Variants in TERT observed in about 807,000 individuals in gnomAD.
TERT encodes the protein telomerase catalytic subunit.
Under a neutral mutation model 104.0 loss-of-function variants are expected in TERT, and 42 were observed. That is an observed-to-expected ratio of 0.40 (90% confidence interval 0.32 to 0.52). The LOEUF (loss-of-function observed/expected upper bound fraction) is 0.52. Among genes scored for constraint, TERT ranks in the 20% least tolerant of loss-of-function variants. The pLI, the probability that TERT is intolerant of heterozygous loss-of-function variation, is 0.43. For missense variants in TERT, 1,101 were observed against 1,610.3 expected (o/e 0.68, Z 5.41); for synonymous variants, 781 against 725.6 (o/e 1.08, Z -1.23).
At chr5:1,260,403 C>T in intron 12 of TERT, 71 bp downstream of exon 12, 2 of 1,594,962 alleles carry the variant, frequency 1.3e-6, no homozygotes, top group South Asian at 2.2e-5. Context: ...CACGCGCGCA[C>T]ACACACACAC....
At position 1,268,169 on chromosome 5, in the gene TERT, C is replaced by T. The variant is rs915023538; in HGVS notation, c.2582+351G>A. 2.6e-5 allele frequency among the ~76,000 whole-genome samples: 4 copies of T among 152,210 alleles called. No individual in the cohort carries two copies. The highest frequency in any genetic ancestry group is 9.6e-5 in the African/African-American group (4 of 41,460). On this transcript the variant is annotated intron_variant, in intron 9 of 15. Transcript: ENST00000310581. This position sits in a 1 kb window ranked among gnomAD's most constrained non-coding sequence, Gnocchi z 5.5. Reference sequence around the variant, plus strand: ...CTGGGAGATGTGGGGCCTCAGGCTGCACCAGCCCCATCTCCCCAAGGACCC... The same window carrying T: ...CTGGGAGATGTGGGGCCTCAGGCTGTACCAGCCCCATCTCCCCAAGGACCC...
In TERT at chr5:1,260,334, A is replaced by G. The variant is rs34238050; in HGVS notation, c.2970+140T>C. 1,343 of 1,358,752 alleles carry G rather than the reference A, an allele frequency of 9.9e-4. 12 individuals carry two copies. The African/African-American group carries it at 0.018, about 18-fold the overall frequency. The allele number at this position is 1,358,752 out of a possible 1,614,324, so 84.2% of individuals were successfully genotyped here. ...CACACATGCACACATGTATGTGCTC[A>G]CGTGTATATGCGTACATGTGCACTC... On this transcript the variant is annotated intron_variant, in intron 12 of 15. Coordinates refer to ENST00000310581, the MANE Select transcript of TERT (RefSeq NM_198253.3).
chr5:1,259,283 GGATGCCCACAGGAGAGGGAGTGGACGCA>G (rs1748004746), intron 12 of TERT, among the ~76,000 whole-genome samples: 2 of 118,764 alleles, frequency 1.7e-5, no homozygotes, highest in East Asian at 2.9e-4. Context: ...GAGTGGACGC[GGATGCCCACAGGAGAGGGAGTGGACGCA>G]GATGCCCACA....
rs1750084189 is a variant in TERT at position 1,282,437 on chromosome 5, A to C, written c.1761T>G (p.Ile587Met). 2 of 1,614,060 alleles carry C rather than the reference A, an allele frequency of 1.2e-6. No homozygotes were observed. Among genetic ancestry groups the C allele is most frequent in the Non-Finnish European group, 1.7e-6 (2 of 1,179,982 alleles). The change falls in exon 3 of 16, where the codon ATT becomes ATG. Residue 587 changes from isoleucine (I) to methionine (M), a missense_variant. Physicochemically the swap from Ile to Met is conservative, Grantham distance 10 (BLOSUM62 1). This residue lies in a region of TERT where 463 missense variants were observed against 797.5 expected (regional missense o/e 0.58). Coordinates refer to ENST00000310581, the MANE Select transcript of TERT (RefSeq NM_198253.3). ...GCGTGGGGATACAGTACCTGATTCC[A>C]ATGCTTTGCAACTTGCTCCAGACAC... is the stretch of plus-strand genomic sequence containing the variant. ...RKSVWSKLQS[I>M]GIRQHLKRVQ...
intron 6 of TERT, among the ~76,000 whole-genome samples, chr5:1,273,792 C>T (rs762188884): frequency 2.2e-5 from 3 of 136,504 alleles, no homozygotes; most frequent in East Asian, 2.2e-4. Flanking sequence ...CTGTGACCAA[C>T]CGCCATCCAC....
chr5:1,279,370 T>C lies in TERT; in HGVS notation c.2051A>G (p.Asp684Gly), dbSNP rs776981958. Reference protein sequence around the residue: ...GLLGASVLGLDDIHRAWRTFV... With the variant: ...GLLGASVLGLGDIHRAWRTFV... ...GGTGCGCCAGGCCCTGTGGATATCG[T>C]CCAGGCCCAGCACAGAGGCGCCCAG... Residue 684 changes from aspartate (D) to glycine (G), a missense_variant, in exon 5 of 16, where the codon GAC becomes GGC. Physicochemically the swap from Asp to Gly is moderately conservative, Grantham distance 94. Around this residue, in one of 5 missense-constraint regions of TERT, gnomAD observed 463 missense variants for 797.5 expected, o/e 0.58. Transcript: ENST00000310581. 112 of 1,567,398 alleles carry C rather than the reference T, an allele frequency of 7.1e-5. No homozygotes were observed. Among genetic ancestry groups the C allele is most frequent in the Non-Finnish European group, 5.2e-6 (6 of 1,158,500 alleles).
rs1579562968 is a variant in TERT, at chr5:1,270,875, C to A, written c.2468+244G>T. The stretch of plus-strand genomic sequence containing the variant: ...TCCTCCACGCAGGAGCAACTCCACA[C>A]CCCGCTTGCCATTTCCAGGCCTCGT... On this transcript the variant is annotated intron_variant, in intron 8 of 15. Transcript: ENST00000310581. The surrounding 1 kb of genome is among the most constrained non-coding windows in gnomAD (Gnocchi z 8.3). Among the ~76,000 whole-genome samples, 1 of 152,246 alleles carries A rather than the reference C, an allele frequency of 6.6e-6. No individual in the cohort carries two copies. Among genetic ancestry groups the A allele is most frequent in the South Asian group, 2.1e-4 (1 of 4,832 alleles).
At chr5:1,273,041 CCA>C (rs1398829730) in intron 6 of TERT, among the ~76,000 whole-genome samples, 2 of 98,198 alleles carry the variant, frequency 2.0e-5, no homozygotes, top group Admixed American at 9.6e-5. Flanking sequence ...TCCACAGTCA[CCA>C]CACATCAGAC....
intron 3 of TERT, among the ~76,000 whole-genome samples, chr5:1,281,443 C>A (rs1750016366): frequency 1.3e-5 from 2 of 152,362 alleles, no homozygotes; most frequent in African/African-American, 4.8e-5. Flanking sequence ...AAGCCCTGAT[C>A]TTCTGACTAA....
At chr5:1,260,451 G>A in intron 12 of TERT, 23 bp downstream of exon 12, 1 of 1,613,604 alleles carries the variant, frequency 6.2e-7, no homozygotes, top group Non-Finnish European at 8.5e-7. Context: ...TCTGAACTCT[G>A]TGCTGACCAT....
In TERT at chr5:1,274,004, G is replaced by A. The variant is rs1333620201; in HGVS notation, c.2287-1724C>T. On this transcript the variant is annotated intron_variant, in intron 6 of 15. Transcript: ENST00000310581. The surrounding 1 kb of genome is among the most constrained non-coding windows in gnomAD (Gnocchi z 5.3). ...ACCTCCTATTCTGCAGACTCCCCCAGGACGCTTGTCATTTACTACGGGACC... is the reference window on the plus strand; with the variant it reads ...ACCTCCTATTCTGCAGACTCCCCCAAGACGCTTGTCATTTACTACGGGACC... Among the ~76,000 whole-genome samples the A allele has an allele frequency of 2.0e-5, 3 of 152,192 alleles. No individual in the cohort carries two copies. Among genetic ancestry groups the A allele is most frequent in the African/African-American group, 7.2e-5 (3 of 41,446 alleles).
At position 1,255,696 on chromosome 5, in the gene TERT, C is replaced by A. The variant is rs1747679492; in HGVS notation, c.3033-285G>T. 6.6e-6 allele frequency among the ~76,000 whole-genome samples: 1 copy of A among 152,206 alleles called. No homozygotes were observed. The highest frequency in any genetic ancestry group is 1.5e-5 in the Non-Finnish European group (1 of 68,032). On this transcript the variant is annotated intron_variant, in intron 13 of 15. Transcript: ENST00000310581. The surrounding 1 kb of genome is among the most constrained non-coding windows in gnomAD (Gnocchi z 6.9). ...GAAGCAGCTCCATCCTGGATGCCAG[C>A]CCCCCATGCTGGCTTCTGATTAGCC...
chr5:1,266,325 G>T, intron 10 of TERT, 139 bp downstream of exon 10: 2 of 857,314 alleles, frequency 2.3e-6, no homozygotes, highest in Non-Finnish European at 3.8e-6. Context: ...AAGCGCCTCT[G>T]CTCTTGCGGA....
At chr5:1,291,242 A>G (rs1191272391) in intron 2 of TERT, among the ~76,000 whole-genome samples, 19 of 92,894 alleles carry the variant, frequency 2.0e-4, no homozygotes, top group South Asian at 4.9e-4. Flanking sequence ...CACTCACCCT[A>G]CACCTGAGAG....
In TERT at chr5:1,282,292, C is replaced by T. The variant is rs34301490; in HGVS notation, c.1769+137G>A. 8.2e-3 allele frequency: 7,065 copies of T among 861,924 alleles called. 53 individuals are homozygous for T. Among genetic ancestry groups the T allele is most frequent in the Non-Finnish European group, 8.3e-3 (4,317 of 519,880 alleles). The allele number at this position is 861,924 out of a possible 1,614,324, so 53.4% of individuals were successfully genotyped here. ...TGCACAGAATCCACTTGGACCAGGC[C>T]TGTGACGGGGCCCCTGGCTCCCAGC... On this transcript the variant is annotated intron_variant, in intron 3 of 15. Transcript: ENST00000310581.
intron 6 of TERT, 107 bp from the exon 7 acceptor site, chr5:1,272,387 G>T: frequency 9.6e-7 from 1 of 1,041,048 alleles, no homozygotes; most frequent in Non-Finnish European, 1.5e-6. Flanking sequence ...CAAGCCCGAT[G>T]GCGGGATGAA....
At chr5:1,278,318 C>G (rs1749755982) in intron 6 of TERT, among the ~76,000 whole-genome samples, 1 of 152,180 alleles carries the variant, frequency 6.6e-6, no homozygotes, top group Non-Finnish European at 1.5e-5. Flanking sequence ...GTCACGGACA[C>G]ATGCACACAC....
chr5:1,267,228 G>A (rs1561194540), intron 9 of TERT, among the ~76,000 whole-genome samples: 1 of 152,220 alleles, frequency 6.6e-6, no homozygotes, highest in African/African-American at 2.4e-5. Context: ...AGATGCACAG[G>A]AAAAACCCGG....
rs1054748675 is a variant in TERT, at chr5:1,294,816, C to A, written c.174G>T (p.Val58=). The A allele has an allele frequency of 6.6e-7, 1 of 1,510,928 alleles. No individual in the cohort carries two copies. The highest frequency in any genetic ancestry group is 8.8e-7 in the Non-Finnish European group (1 of 1,137,520). The allele number at this position is 1,510,928 out of a possible 1,614,324, so 93.6% of individuals were successfully genotyped here. The change falls in exon 1 of 16, where the codon GTG becomes GTT. Residue 58 remains valine, a synonymous_variant. Transcript: ENST00000310581. ...CGGGGGGCGGCCGTGCGTCCCAGGGCACGCACACCAGGCACTGGGCCACCA... is the reference window on the plus strand; with the variant it reads ...CGGGGGGCGGCCGTGCGTCCCAGGGAACGCACACCAGGCACTGGGCCACCA... ...RALVAQCLVC[V]PWDARPPPAA... is the part of the protein sequence containing the mutation.
Sources: gnomAD v4.1 joint callset for allele counts (sites outside exome capture counted in the v4.1 genomes callset) on GRCh38, gnomAD v4.1.1 for gene constraint, gnomAD v4.1.1 regional missense constraint, Gnocchi (gnomAD v3.1) non-coding constraint, MANE v1.5 for transcripts, NCBI Gene and HGNC (gene_info 2026-07-23, HGNC 2026-07-21) for gene names.